PNPLA1: variants seen among roughly 807,000 people sequenced by gnomAD.
PNPLA1 encodes the protein omega-hydroxyceramide transacylase.
A neutral mutation model predicts 51.7 loss-of-function variants in PNPLA1; 36 were observed. The observed-to-expected ratio is 0.70, with a 90% confidence interval of 0.53 to 0.92. The LOEUF (loss-of-function observed/expected upper bound fraction) is 0.92, where lower values mean the gene tolerates loss of function less well. PNPLA1 is among the 40% of genes least tolerant of loss of function. PNPLA1 has a pLI of 0.00. For synonymous variants in PNPLA1, 293 were observed against 280.1 expected (o/e 1.05, Z -0.46); for missense variants, 658 against 682.5 (o/e 0.96, Z 0.40).
chr6:36,307,647 G>C lies in PNPLA1; in HGVS notation c.1530G>C (p.Lys510Asn), dbSNP rs751252152. Residue 510 changes from lysine (K) to asparagine (N), a missense_variant, in exon 8 of 9, where the codon AAG becomes AAC. By Grantham distance (94) the Lys-to-Asn change is moderately conservative (BLOSUM62 0). Transcript: ENST00000636260. Reference sequence around the variant, plus strand: ...AGGTCTTCAAGAAGAACAAGCAAAAGACAAGTGGCACCAGAAAAGGCTTCC... The same window carrying C: ...AGGTCTTCAAGAAGAACAAGCAAAACACAAGTGGCACCAGAAAAGGCTTCC... ...VNKVFKKNKQ[K>N]TSGTRKGFPR... The C allele has an allele frequency of 2.5e-6, 4 of 1,613,860 alleles. No homozygotes were observed. The African/African-American group carries it at 5.3e-5, about 22-fold the overall frequency.
At chr6:36,284,513 A>G (rs1254754340) in intron 1 of PNPLA1, among the ~76,000 whole-genome samples, 1 of 151,522 alleles carries the variant, frequency 6.6e-6, no homozygotes, top group Non-Finnish European at 1.5e-5. Context: ...TCCTTCCTTT[A>G]TCCATCCATC....
Position 36,294,041 on chromosome 6 carries a change from C to T in PNPLA1, c.505-149C>T. On this transcript the variant is annotated intron_variant, in intron 3 of 8. Transcript: ENST00000636260. This position sits in a 1 kb window ranked among gnomAD's most constrained non-coding sequence, Gnocchi z 4.2. ...GCACACCACGCACCCACCAGGACCT[C>T]CGTCTCCAGGCTTATCCTGAGGGGT... 1.1e-6 allele frequency: 1 copy of T among 910,792 alleles called. No individual in the cohort carries two copies. Among genetic ancestry groups the T allele is most frequent in the African/African-American group, 1.7e-5 (1 of 59,806 alleles). The allele number at this position is 910,792 out of a possible 1,614,324, so 56.4% of individuals were successfully genotyped here.
chr6:36,264,959 A>G (rs896184179), intron 1 of PNPLA1, among the ~76,000 whole-genome samples: 2 of 152,184 alleles, frequency 1.3e-5, no homozygotes, highest in Non-Finnish European at 2.9e-5. Context: ...TTCTACCCCC[A>G]CCATGGATAT....
At chr6:36,273,748 A>AAAAAAAAAAAAAAAT in intron 1 of PNPLA1, among the ~76,000 whole-genome samples, 1 of 151,434 alleles carries the variant, frequency 6.6e-6, no homozygotes, top group Non-Finnish European at 1.5e-5. Flanking sequence ...AAAAAAAAAA[A>AAAAAAAAAAAAAAAT]AAAAGATGAA....
rs201481995 is a variant in PNPLA1 at position 36,294,363 on chromosome 6, C to T, written c.678C>T (p.Ala226=). 8.1e-6 allele frequency: 13 copies of T among 1,614,046 alleles called. No individual in the cohort carries two copies. Among genetic ancestry groups the T allele is most frequent in the Non-Finnish European group, 1.1e-5 (13 of 1,180,040 alleles). ...TCCAGTTCTCCCTGGAGAACATCGC[C>T]AGGATGACCCACGCATTGTTCCCCC... The part of the protein sequence containing the change: ...CSFQFSLENI[A]RMTHALFPPD... The change falls in exon 4 of 9, where the codon GCC becomes GCT. Residue 226 remains alanine, a synonymous_variant. Transcript: ENST00000636260. The surrounding 1 kb of genome is among the most constrained non-coding windows in gnomAD (Gnocchi z 4.2).
At chr6:36,288,141 T>A (rs141564332) in intron 1 of PNPLA1, among the ~76,000 whole-genome samples, 1 of 152,208 alleles carries the variant, frequency 6.6e-6, no homozygotes, top group South Asian at 2.1e-4. Flanking sequence ...CCTAGCATCC[T>A]CACTTCTAGG....
chr6:36,289,826 G>A (rs1006911830), intron 1 of PNPLA1, among the ~76,000 whole-genome samples: 1 of 152,176 alleles, frequency 6.6e-6, no homozygotes, highest in African/African-American at 2.4e-5. Flanking sequence ...CTCCAGGACT[G>A]GGGTGGAATA....
At chr6:36,309,698 C>A in intron 8 of PNPLA1, among the ~76,000 whole-genome samples, 1 of 152,220 alleles carries the variant, frequency 6.6e-6, no homozygotes, top group East Asian at 1.9e-4. Flanking sequence ...ACCTCCTGCA[C>A]CAGGCAGGTG....
At chr6:36,271,074 A>C (rs1035370331) in intron 1 of PNPLA1, among the ~76,000 whole-genome samples, 2 of 152,150 alleles carry the variant, frequency 1.3e-5, no homozygotes, top group African/African-American at 4.8e-5. Flanking sequence ...CCCTTGGGAG[A>C]GGCAACTCTT....
At chr6:36,289,262 C>A (rs991875446) in intron 1 of PNPLA1, among the ~76,000 whole-genome samples, 1 of 152,164 alleles carries the variant, frequency 6.6e-6, no homozygotes, top group Admixed American at 6.5e-5. Flanking sequence ...TCTCAGGCCT[C>A]ATGGGAAAAG....
chr6:36,309,719 G>T (rs1196104488), intron 8 of PNPLA1, among the ~76,000 whole-genome samples: 1 of 152,226 alleles, frequency 6.6e-6, no homozygotes, highest in Non-Finnish European at 1.5e-5. Context: ...GTTGTCTGCT[G>T]CGTTCCTTTA....
Position 36,302,223 on chromosome 6 carries a change from C to A in PNPLA1, c.1138C>A (p.Pro380Thr). The A allele has an allele frequency of 6.2e-7, 1 of 1,614,164 alleles. No individual in the cohort carries two copies. Among genetic ancestry groups the A allele is most frequent in the African/African-American group, 1.3e-5 (1 of 75,050 alleles). ...TGTATCATTCCCAGCTGTGCACAAG[C>A]CACCCAGCTCCACACCTGGTTCATC... is the stretch of plus-strand genomic sequence containing the variant. ...PPVSFPAVHK[P>T]PSSTPGSSLP... The change falls in exon 6 of 9, where the codon CCA (proline) becomes ACA (threonine). Residue 380 changes from proline (P) to threonine (T), a missense_variant. By Grantham distance (38) the Pro-to-Thr change is conservative. Transcript: ENST00000636260.
rs1172396274 is a variant in PNPLA1, at chr6:36,313,712, C to A, written c.*1826C>A. Among the ~76,000 whole-genome samples the A allele has an allele frequency of 6.6e-6, 1 of 152,234 alleles. No homozygotes were observed. The highest frequency in any genetic ancestry group is 6.5e-5 in the Admixed American group (1 of 15,280). ...GGGGGAGACTGACTAGAGAGGCCCGCCCGGCCGCAGGCCTTTCTTCCAGGA... is the reference window on the plus strand; with the variant it reads ...GGGGGAGACTGACTAGAGAGGCCCGACCGGCCGCAGGCCTTTCTTCCAGGA... On this transcript the variant is annotated 3_prime_UTR_variant, in exon 9 of 9. Coordinates refer to ENST00000636260, the MANE Select transcript of PNPLA1 (RefSeq NM_001374623.1).
chr6:36,259,429 T>C (rs1445847486), intron 1 of PNPLA1, among the ~76,000 whole-genome samples: 4 of 152,148 alleles, frequency 2.6e-5, no homozygotes, highest in Non-Finnish European at 5.9e-5. Context: ...GAAGTAAATA[T>C]ACTAGTAAAG....
rs200207071 is a variant in PNPLA1 at position 36,302,123 on chromosome 6, A to G, written c.1038A>G (p.Pro346=). The G allele has an allele frequency of 6.2e-7, 1 of 1,614,208 alleles. No homozygotes were observed. The highest frequency in any genetic ancestry group is 1.3e-5 in the African/African-American group (1 of 75,052). Residue 346 remains proline (P), a synonymous_variant, in exon 6 of 9, where the codon CCA becomes CCG. Transcript: ENST00000636260. Reference sequence around the variant, plus strand: ...CATGCGAGTCACCTGTTTCAGCACCAGTCTCTCCACTTGAGCAGCCACCTG... The same window carrying G: ...CATGCGAGTCACCTGTTTCAGCACCGGTCTCTCCACTTGAGCAGCCACCTG... ...EFTCESPVSA[P]VSPLEQPPAQ...
chr6:36,298,862 C>G (rs568859339), intron 5 of PNPLA1, among the ~76,000 whole-genome samples: 1 of 152,330 alleles, frequency 6.6e-6, no homozygotes, highest in South Asian at 2.1e-4. Context: ...CCTCAGCCTC[C>G]TGAGTACCTG....
At chr6:36,295,030 A>G (rs970237283) in intron 4 of PNPLA1, among the ~76,000 whole-genome samples, 3 of 152,208 alleles carry the variant, frequency 2.0e-5, no homozygotes, top group Non-Finnish European at 2.9e-5. Context: ...GGGGCAGCCC[A>G]GAGACCTGAA....
rs1358259318 is a variant in PNPLA1 at position 36,273,367 on chromosome 6, G to A, written c.205+2703G>A. Reference sequence around the variant, plus strand: ...TAGCCAGTGTTAAGGGCTAGGCATGGATCTTTCCAGATCTTTTTAATGCAC... The same window carrying A: ...TAGCCAGTGTTAAGGGCTAGGCATGAATCTTTCCAGATCTTTTTAATGCAC... On this transcript the variant is annotated intron_variant, in intron 1 of 8. Coordinates refer to ENST00000636260, the MANE Select transcript of PNPLA1 (RefSeq NM_001374623.1). Among the ~76,000 whole-genome samples the A allele has an allele frequency of 6.6e-5, 10 of 152,150 alleles. No homozygotes were observed. The East Asian group carries it at 1.9e-3, about 29-fold the overall frequency.
chr6:36,248,763 C>G (rs142848227), intron 1 of PNPLA1, among the ~76,000 whole-genome samples: 2,050 of 152,284 alleles, frequency 0.013, 22 homozygotes, highest in Non-Finnish European at 0.022. Context: ...AGGTGATCCG[C>G]CCACGTCAGC....
Sources: allele counts gnomAD v4.1 joint callset (sites outside exome capture counted in the v4.1 genomes callset), GRCh38; gene constraint gnomAD v4.1.1; non-coding constraint Gnocchi (gnomAD v3.1); transcripts MANE v1.5; gene names NCBI Gene and HGNC (gene_info 2026-07-23, HGNC 2026-07-21).